ZNF33A: variants seen among roughly 807,000 people sequenced by gnomAD.
ZNF33A encodes the protein brain my041 protein.
Under a neutral mutation model 15.9 loss-of-function variants are expected in ZNF33A, and 9 were observed. That is an observed-to-expected ratio of 0.57 (90% confidence interval 0.34 to 0.99). The LOEUF (loss-of-function observed/expected upper bound fraction) is 0.99. ZNF33A is among the 50% of genes least tolerant of loss of function. The pLI, the probability that ZNF33A is intolerant of heterozygous loss-of-function variation, is 0.02. For missense variants in ZNF33A, 843 were observed against 941.6 expected, an observed-to-expected ratio of 0.90 and a Z score of 1.37; for synonymous variants, 294 against 324.2, an observed-to-expected ratio of 0.91 and a Z score of 1.00.
At chr10:38,064,563 T>A, downstream of ZNF33A, 1 of 155,086 alleles carries the variant, frequency 6.4e-6, no homozygotes, top group Non-Finnish European at 1.4e-5. Context: ...AATCACTTCC[T>A]TCTCTCTCCC....
At chr10:38,039,386 C>T (rs1431152617) in intron 4 of ZNF33A, 1 of 442,060 alleles carries the variant, frequency 2.3e-6, no homozygotes, top group African/African-American at 2.1e-5. Context: ...GCACACCCAG[C>T]TAATTTTTTG....
intron 4 of ZNF33A, among the ~76,000 whole-genome samples, chr10:38,025,793 A>G (rs2064961206): frequency 6.6e-6 from 1 of 152,262 alleles, no homozygotes; most frequent in Admixed American, 6.5e-5. Context: ...GTGTGGTAAA[A>G]TATATGTATC....
chr10:38,045,157 G>T (rs2065895169), intron 4 of ZNF33A, among the ~76,000 whole-genome samples: 1 of 152,098 alleles, frequency 6.6e-6, no homozygotes. Context: ...CTAGATACTG[G>T]TTCCTCTATT....
At position 38,056,583 on chromosome 10, in the gene ZNF33A, T is replaced by A; in HGVS notation, c.*23T>A. 1 of 1,535,450 alleles carries A rather than the reference T, an allele frequency of 6.5e-7. No individual in the cohort carries two copies. The highest frequency in any genetic ancestry group is 8.7e-7 in the Non-Finnish European group (1 of 1,146,568). Reference sequence around the variant, plus strand: ...TAACTATCCACAAACTCACCTTATGTTACTCCAAAGTAATAGTAGGGGATA... The same window carrying A: ...TAACTATCCACAAACTCACCTTATGATACTCCAAAGTAATAGTAGGGGATA... On this transcript the variant is annotated 3_prime_UTR_variant, in exon 5 of 5. Coordinates refer to ENST00000432900, the MANE Select transcript of ZNF33A (RefSeq NM_006954.2).
intron 4 of ZNF33A, among the ~76,000 whole-genome samples, chr10:38,040,929 A>G (rs1428396143): frequency 1.3e-5 from 2 of 152,170 alleles, no homozygotes; most frequent in African/African-American, 4.8e-5. Context: ...TGTCCTTACT[A>G]GAATGTATTT....
chr10:38,036,298 G>T (rs1197639417), intron 4 of ZNF33A, among the ~76,000 whole-genome samples: 1 of 152,024 alleles, frequency 6.6e-6, no homozygotes, highest in Non-Finnish European at 1.5e-5. Context: ...TAAGCTGGGC[G>T]TGGTGGAATG....
intron 4 of ZNF33A, among the ~76,000 whole-genome samples, chr10:38,029,325 G>A (rs633029): frequency 0.88 from 133,494 of 152,212 alleles, 58,676 homozygotes; most frequent in South Asian, 0.94. Context: ...CAGCTAGAGA[G>A]TTCTCAGATG....
intron 4 of ZNF33A, among the ~76,000 whole-genome samples, chr10:38,028,249 C>T (rs1173279726): frequency 6.6e-6 from 1 of 151,912 alleles, no homozygotes; most frequent in Non-Finnish European, 1.5e-5. Flanking sequence ...GCCTAGGTGA[C>T]AGAGCAAGAT....
chr10:38,061,389 A>G (rs2066652227), downstream of ZNF33A, among the ~76,000 whole-genome samples: 1 of 152,120 alleles, frequency 6.6e-6, no homozygotes, highest in Non-Finnish European at 1.5e-5. Context: ...GAGAAGAGAA[A>G]AGGATACCAG....
intron 4 of ZNF33A, among the ~76,000 whole-genome samples, chr10:38,036,042 A>G (rs1176217475): frequency 1.3e-5 from 2 of 152,210 alleles, no homozygotes; most frequent in Non-Finnish European, 2.9e-5. Flanking sequence ...AAAACCACAC[A>G]CTAATATCCC....
chr10:38,011,908 C>T lies in ZNF33A; in HGVS notation c.-44-390C>T, dbSNP rs184346376. 1.5e-3 allele frequency among the ~76,000 whole-genome samples: 227 copies of T among 152,238 alleles called. 2 individuals carry two copies. Among genetic ancestry groups the T allele is most frequent in the African/African-American group, 5.3e-3 (221 of 41,530 alleles). The stretch of plus-strand genomic sequence containing the variant: ...TACTGGGAAAATAGATAGCTTAGTC[C>T]TATTTTTTACAATGGTTTTAGTGTT... On this transcript the variant is annotated intron_variant, in intron 1 of 4. Transcript: ENST00000432900.
rs1234026514 is a variant in ZNF33A at position 38,057,134 on chromosome 10, G to A, written c.*574G>A. 3.2e-6 allele frequency: 2 copies of A among 620,664 alleles called. No individual in the cohort carries two copies. Among genetic ancestry groups the A allele is most frequent in the Non-Finnish European group, 4.0e-6 (2 of 496,458 alleles). 38.4% of individuals were successfully genotyped at this position (620,664 alleles called of 1,614,324 possible). On this transcript the variant is annotated 3_prime_UTR_variant, in exon 5 of 5. Coordinates refer to ENST00000432900, the MANE Select transcript of ZNF33A (RefSeq NM_006954.2). ...ACTCTGTGTGTGTGTGTACGTGTAT[G>A]TGTGTGTGTGTGGTTATATCAAACT...
intron 4 of ZNF33A, chr10:38,039,740 C>G (rs1564857793): frequency 3.0e-6 from 1 of 330,496 alleles, no homozygotes; most frequent in Non-Finnish European, 5.8e-6. Context: ...CATCTTTAAT[C>G]CCTACTTTTA....
In ZNF33A at chr10:38,057,174, A is replaced by G. The variant is rs2066521250; in HGVS notation, c.*614A>G. ...TATATCAAACTTTTACGACTTTTACATTTGAGTAACCATCAACACGATTAG... is the reference window on the plus strand; with the variant it reads ...TATATCAAACTTTTACGACTTTTACGTTTGAGTAACCATCAACACGATTAG... On this transcript the variant is annotated 3_prime_UTR_variant, in exon 5 of 5. Transcript: ENST00000432900. 1.0e-6 allele frequency: 1 copy of G among 975,390 alleles called. No individual in the cohort carries two copies. Among genetic ancestry groups the G allele is most frequent in the African/African-American group, 1.8e-5 (1 of 57,100 alleles). 60.4% of individuals were successfully genotyped at this position (975,390 alleles called of 1,614,324 possible). A position where few individuals can be genotyped will look rare whatever the true frequency, so the allele number is the denominator to read the frequency against.
At chr10:38,023,275 A>G (rs1268630575) in intron 4 of ZNF33A, among the ~76,000 whole-genome samples, 1 of 152,214 alleles carries the variant, frequency 6.6e-6, no homozygotes, top group Non-Finnish European at 1.5e-5. Flanking sequence ...CATTTAAAAA[A>G]TTATTTTGAT....
chr10:38,031,117 T>C (rs1327108722), intron 4 of ZNF33A, among the ~76,000 whole-genome samples: 2 of 152,206 alleles, frequency 1.3e-5, no homozygotes, highest in Admixed American at 6.5e-5. Flanking sequence ...AACTAATGCA[T>C]GTGAAACTTG....
At chr10:38,047,338 C>T (rs1243558838) in intron 4 of ZNF33A, among the ~76,000 whole-genome samples, 1 of 151,328 alleles carries the variant, frequency 6.6e-6, no homozygotes, top group Admixed American at 6.6e-5. Flanking sequence ...GAAAAATAAG[C>T]AAGCCCTTGG....
intron 4 of ZNF33A, among the ~76,000 whole-genome samples, chr10:38,035,008 A>G (rs2065378621): frequency 6.6e-6 from 1 of 151,610 alleles, no homozygotes; most frequent in African/African-American, 2.4e-5. Context: ...TCAACTCTTC[A>G]CTACCACATG....
chr10:38,055,450 ATGTT>A lies in ZNF33A; in HGVS notation c.1327_1330del (p.Cys443MetfsTer9). 1.2e-6 allele frequency: 2 copies of A among 1,614,100 alleles called. No individual in the cohort carries two copies. The highest frequency in any genetic ancestry group is 1.7e-6 in the Non-Finnish European group (2 of 1,180,010). On this transcript the variant is annotated frameshift_variant, in exon 5 of 5. Coordinates refer to ENST00000432900, the MANE Select transcript of ZNF33A (RefSeq NM_006954.2). LOFTEE classifies it low-confidence loss of function (END_TRUNC). ...CACACACAGGGCTGAAACCCTATGA[ATGTT>A]ATGAATGTGGAAAATCCTTCCGTGT...
Sources: allele counts gnomAD v4.1 joint callset (sites outside exome capture counted in the v4.1 genomes callset), GRCh38; gene constraint gnomAD v4.1.1; transcripts MANE v1.5; gene names NCBI Gene and HGNC (gene_info 2026-07-23, HGNC 2026-07-21).